SNRNP200: variants seen among roughly 807,000 people sequenced by gnomAD.
SNRNP200 encodes the protein small nuclear ribonucleoprotein U5 subunit 200, also known as U5 small nuclear ribonucleoprotein 200 kDa helicase.
Under a neutral mutation model 255.2 loss-of-function variants are expected in SNRNP200, and 66 were observed. That is an observed-to-expected ratio of 0.26 (90% confidence interval 0.21 to 0.32). The LOEUF is 0.32. SNRNP200 is among the 10% of genes least tolerant of loss of function. SNRNP200 has a pLI of 1.00. For synonymous variants in SNRNP200, 939 were observed against 1,027.8 expected, an observed-to-expected ratio of 0.91 and a Z score of 1.65; for missense variants, 1,585 against 2,749.8, an observed-to-expected ratio of 0.58 and a Z score of 9.47.
chr2:96,285,061 T>C lies in SNRNP200; in HGVS notation c.4164+119A>G, dbSNP rs1371530945. On this transcript the variant is annotated intron_variant, in intron 30 of 44. Transcript: ENST00000323853. ...CACCACGCTTGGCTGGGGCAGCTTT[T>C]CTTTAATACACAAACTGAGGAAATG... 3 of 1,279,560 alleles carry C rather than the reference T, an allele frequency of 2.3e-6. No homozygotes were observed. In the South Asian group the frequency reaches 3.7e-5, roughly 16 times the overall value. 79.3% of individuals were successfully genotyped at this position (1,279,560 alleles called of 1,614,324 possible).
In SNRNP200 at chr2:96,275,045, C is replaced by T. The variant is rs1180420099; in HGVS notation, c.6378G>A (p.Val2126=). Residue 2126 remains valine, a synonymous_variant, in exon 45 of 45, where the codon GTG becomes GTA. Coordinates refer to ENST00000323853, the MANE Select transcript of SNRNP200 (RefSeq NM_014014.5). ...AATCACTGTCTGTCTCAGCTTCTTT[C>T]ACATCCACGCTGAATTTGTACTCCT... ...CDQEYKFSVD[V]KEAETDSDSD is the part of the protein sequence containing the mutation. 3.1e-6 allele frequency: 5 copies of T among 1,614,264 alleles called. No individual in the cohort carries two copies. Among genetic ancestry groups the T allele is most frequent in the Non-Finnish European group, 4.2e-6 (5 of 1,180,048 alleles).
rs200367764 is a variant in SNRNP200 at position 96,277,896 on chromosome 2, C to T, written c.5665G>A (p.Val1889Ile). The T allele has an allele frequency of 9.3e-6, 15 of 1,614,226 alleles. No individual in the cohort carries two copies. The highest frequency in any genetic ancestry group is 3.3e-5 in the Admixed American group (2 of 60,028). ...GCCTGCAGGAGCAGGTTGGTCTTGA[C>T]GTGCGGATCATTGAACTTAGGGTTA... ...LNNPKFNDPH[V>I]KTNLLLQAHL... Residue 1889 changes from valine (V) to isoleucine (I), a missense_variant, in exon 40 of 45, where the codon GTC (valine) becomes ATC (isoleucine). Coordinates refer to ENST00000323853, the MANE Select transcript of SNRNP200 (RefSeq NM_014014.5). The surrounding 1 kb of genome is among the most constrained non-coding windows in gnomAD (Gnocchi z 4.4).
Position 96,286,547 on chromosome 2 carries a change from C to A in SNRNP200, c.3830-63G>T, listed in dbSNP as rs879186171. On this transcript the variant is annotated intron_variant, in intron 28 of 44. Coordinates refer to ENST00000323853, the MANE Select transcript of SNRNP200 (RefSeq NM_014014.5). This position sits in a 1 kb window ranked among gnomAD's most constrained non-coding sequence, Gnocchi z 4.8. ...CTCTTTCCCTCACTGGCCTCTAGAT[C>A]CCCTCCATGAACACTGGAAACCTAG... 1.0e-5 allele frequency: 16 copies of A among 1,603,662 alleles called. No individual in the cohort carries two copies. In the South Asian group the frequency reaches 1.7e-4, roughly 17 times the overall value.
intron 30 of SNRNP200, 120 bp from the exon 31 acceptor site, chr2:96,284,705 T>C: frequency 1.3e-6 from 1 of 750,064 alleles, no homozygotes; most frequent in Non-Finnish European, 2.4e-6. Flanking sequence ...AGCTACGTTC[T>C]AATCCCATAG....
In SNRNP200 at chr2:96,287,294, A is replaced by T; in HGVS notation, c.3485-134T>A. Reference sequence around the variant, plus strand: ...GTGGAGCCCAGGATTCCAAGTCCCCAGACCAAGGGCCAGCCTGTACTTCAG... The same window carrying T: ...GTGGAGCCCAGGATTCCAAGTCCCCTGACCAAGGGCCAGCCTGTACTTCAG... On this transcript the variant is annotated intron_variant, in intron 26 of 44. Coordinates refer to ENST00000323853, the MANE Select transcript of SNRNP200 (RefSeq NM_014014.5). The surrounding 1 kb of genome is among the most constrained non-coding windows in gnomAD (Gnocchi z 5.7). 7.8e-7 allele frequency: 1 copy of T among 1,278,020 alleles called. No individual in the cohort carries two copies. Among genetic ancestry groups the T allele is most frequent in the Non-Finnish European group, 1.1e-6 (1 of 874,736 alleles). The allele number at this position is 1,278,020 out of a possible 1,614,324, so 79.2% of individuals were successfully genotyped here. A position where few individuals can be genotyped will look rare whatever the true frequency, so the allele number is the denominator to read the frequency against.
chr2:96,285,130 C>G (rs1190477189), intron 30 of SNRNP200, 50 bp downstream of exon 30: 2 of 1,603,344 alleles, frequency 1.2e-6, no homozygotes, highest in Non-Finnish European at 1.7e-6. Flanking sequence ...TACGGAATCA[C>G]AGATGAAATG....
In SNRNP200 at chr2:96,303,267, C is replaced by T. The variant is rs115907254; in HGVS notation, c.273G>A (p.Ser91=). Residue 91 remains serine (S), a synonymous_variant, in exon 3 of 45, where the codon TCG becomes TCA. Coordinates refer to ENST00000323853, the MANE Select transcript of SNRNP200 (RefSeq NM_014014.5). ...INKMKGYTLL[S]EGIDEMVGII... ...TGCCCACCATCTCATCAATGCCCTC[C>T]GACAGCAGAGTATAACCCTTCATCT... 1.5e-4 allele frequency: 248 copies of T among 1,614,194 alleles called. 1 individual carries two copies. In the African/African-American group the frequency reaches 2.1e-3, roughly 13 times the overall value.
rs1210240217 is a variant in SNRNP200 at position 96,277,527 on chromosome 2, G to A, written c.5931+12C>T. ...GCTCACCCACCTGACCCTCTAGGCT[G>A]ACCCGGCTCACCTTGTCTGTGCAAC... is the stretch of plus-strand genomic sequence containing the variant. On this transcript the variant is annotated intron_variant, in intron 41 of 44. Transcript: ENST00000323853. This position sits in a 1 kb window ranked among gnomAD's most constrained non-coding sequence, Gnocchi z 4.4. The A allele has an allele frequency of 6.2e-7, 1 of 1,612,244 alleles. No homozygotes were observed. The highest frequency in any genetic ancestry group is 8.5e-7 in the Non-Finnish European group (1 of 1,180,008).
rs764430353 is a variant in SNRNP200 at position 96,291,805 on chromosome 2, C to G, written c.2256G>C (p.Leu752=). Residue 752 remains leucine, a synonymous_variant, in exon 17 of 45, where the codon CTG becomes CTC. Coordinates refer to ENST00000323853, the MANE Select transcript of SNRNP200 (RefSeq NM_014014.5). The surrounding 1 kb of genome is among the most constrained non-coding windows in gnomAD (Gnocchi z 4.2). ...CTTCTGTGGAGGCTGAGCCCTCCCT[C>G]AGAAACAGACCCAGAGTGTCCTTTT... The part of the protein sequence containing the change: ...CLEKDTLGLF[L]REGSASTEVL... 6.2e-7 allele frequency: 1 copy of G among 1,614,214 alleles called. No homozygotes were observed. The highest frequency in any genetic ancestry group is 1.7e-5 in the Admixed American group (1 of 60,030).
chr2:96,296,915 A>C lies in SNRNP200; in HGVS notation c.1515+18T>G. ...ACACCATATTCTACAAGAAAACAGCAGGCAGGGTGGCGCTTACAGTAGGAG... is the reference window on the plus strand; with the variant it reads ...ACACCATATTCTACAAGAAAACAGCCGGCAGGGTGGCGCTTACAGTAGGAG... On this transcript the variant is annotated intron_variant, in intron 12 of 44. Coordinates refer to ENST00000323853, the MANE Select transcript of SNRNP200 (RefSeq NM_014014.5). 1.2e-6 allele frequency: 2 copies of C among 1,614,200 alleles called. No individual in the cohort carries two copies. The highest frequency in any genetic ancestry group is 1.7e-6 in the Non-Finnish European group (2 of 1,180,034).
At chr2:96,289,732 G>A (rs1364570417) in intron 21 of SNRNP200, 67 bp downstream of exon 21, 5 of 1,476,212 alleles carry the variant, frequency 3.4e-6, no homozygotes, top group Non-Finnish European at 4.7e-6. Flanking sequence ...AGAGCAATCT[G>A]AAAAATTTTT....
Position 96,296,981 on chromosome 2 carries a change from G to A in SNRNP200, c.1467C>T (p.Tyr489=). Residue 489 remains tyrosine (Y), a synonymous_variant, in exon 12 of 45, where the codon TAC becomes TAT. Coordinates refer to ENST00000323853, the MANE Select transcript of SNRNP200 (RefSeq NM_014014.5). ...TCTCATCCGTCTCAAGGGCAGCACG[G>A]TAGAGCTTACTCTGGATCCGATTCA... is the stretch of plus-strand genomic sequence containing the variant. The part of the protein sequence containing the change: ...KTLNRIQSKL[Y]RAALETDENL... 6.2e-7 allele frequency: 1 copy of A among 1,614,216 alleles called. No individual in the cohort carries two copies. The highest frequency in any genetic ancestry group is 8.5e-7 in the Non-Finnish European group (1 of 1,180,036).
intron 35 of SNRNP200, chr2:96,281,562 C>T (rs149302206): frequency 3.1e-5 from 15 of 479,994 alleles, no homozygotes; most frequent in East Asian, 2.5e-4. Context: ...AATGACGTAA[C>T]GTCAAACATT....
At position 96,285,357 on chromosome 2, in the gene SNRNP200, A is replaced by G. The variant is rs551903319; in HGVS notation, c.4004-17T>C. ...TGTTAAACACTGGAAACCAACAGAAAGAAGCAGTGTAAGTATCAAGAAGGA... is the reference window on the plus strand; with the variant it reads ...TGTTAAACACTGGAAACCAACAGAAGGAAGCAGTGTAAGTATCAAGAAGGA... On this transcript the variant is annotated splice_polypyrimidine_tract_variant and intron_variant, in intron 29 of 44. Coordinates refer to ENST00000323853, the MANE Select transcript of SNRNP200 (RefSeq NM_014014.5). The G allele has an allele frequency of 3.1e-6, 5 of 1,613,958 alleles. No individual in the cohort carries two copies. In the South Asian group the frequency reaches 3.3e-5, roughly 11 times the overall value.
chr2:96,296,902 A>T, intron 12 of SNRNP200, 31 bp downstream of exon 12: 1 of 1,614,090 alleles, frequency 6.2e-7, no homozygotes, highest in Non-Finnish European at 8.5e-7. Context: ...ACCATATTCT[A>T]CAAGAAAACA....
At position 96,289,158 on chromosome 2, in the gene SNRNP200, CGAG is replaced by C. The variant is rs1245054041; in HGVS notation, c.3094-44_3094-42del. The C allele has an allele frequency of 3.7e-6, 6 of 1,613,680 alleles. No individual in the cohort carries two copies. The East Asian group carries it at 8.9e-5, about 24-fold the overall frequency. On this transcript the variant is annotated intron_variant, in intron 22 of 44. Transcript: ENST00000323853. ...AAAGGTCAAGGGAAAGCCTTGTGGC[CGAG>C]GAGGGACACCATTCAGTGACTTGGT...
At position 96,287,572 on chromosome 2, in the gene SNRNP200, G is replaced by C. The variant is rs745899662; in HGVS notation, c.3366-15C>G. On this transcript the variant is annotated splice_polypyrimidine_tract_variant and intron_variant, in intron 25 of 44. Coordinates refer to ENST00000323853, the MANE Select transcript of SNRNP200 (RefSeq NM_014014.5). This position sits in a 1 kb window ranked among gnomAD's most constrained non-coding sequence, Gnocchi z 5.7. Reference sequence around the variant, plus strand: ...TGGACTGCCACCTATCCAGGAAGGAGGCAAAGCTGTTGGTCCCTTCTGCAG... The same window carrying C: ...TGGACTGCCACCTATCCAGGAAGGACGCAAAGCTGTTGGTCCCTTCTGCAG... 4.4e-6 allele frequency: 7 copies of C among 1,595,974 alleles called. No individual in the cohort carries two copies. The highest frequency in any genetic ancestry group is 6.0e-6 in the Non-Finnish European group (7 of 1,163,486).
chr2:96,290,109 C>T lies in SNRNP200; in HGVS notation c.2743-113G>A. ...CCAACTACAAGGATGCATATTACAT[C>T]GTATTCTGAATGTTTTTAGCATTTC... On this transcript the variant is annotated intron_variant, in intron 20 of 44. Transcript: ENST00000323853. This position sits in a 1 kb window ranked among gnomAD's most constrained non-coding sequence, Gnocchi z 4.5. 9.3e-7 allele frequency: 1 copy of T among 1,079,896 alleles called. No homozygotes were observed. The highest frequency in any genetic ancestry group is 1.3e-5 in the South Asian group (1 of 78,304). 66.9% of individuals were successfully genotyped at this position (1,079,896 alleles called of 1,614,324 possible). A position where few individuals can be genotyped will look rare whatever the true frequency, so the allele number is the denominator to read the frequency against.
chr2:96,300,492 G>T (rs2063945337), intron 5 of SNRNP200, among the ~76,000 whole-genome samples: 1 of 152,130 alleles, frequency 6.6e-6, no homozygotes, highest in Non-Finnish European at 1.5e-5. Flanking sequence ...CGGGCGCAGT[G>T]GCTCACACCC....
Sources: gnomAD v4.1 joint callset for allele counts (sites outside exome capture counted in the v4.1 genomes callset) on GRCh38, gnomAD v4.1.1 for gene constraint, Gnocchi (gnomAD v3.1) non-coding constraint, MANE v1.5 for transcripts, NCBI Gene and HGNC (gene_info 2026-07-23, HGNC 2026-07-21) for gene names.